SEC22A: variants seen among roughly 807,000 people sequenced by gnomAD.
SEC22A encodes the protein SEC22 homolog A, vesicle trafficking protein, also known as vesicle-trafficking protein SEC22a.
A neutral mutation model predicts 35.3 loss-of-function variants in SEC22A; 22 were observed. The observed-to-expected ratio is 0.62, with a 90% CI of 0.45 to 0.89. The LOEUF (loss-of-function observed/expected upper bound fraction) is 0.89, where lower values mean the gene tolerates loss of function less well. Ranked by LOEUF, SEC22A falls within the 40% of genes least tolerant of loss-of-function variation. The pLI is 0.00. For missense variants in SEC22A, 354 were observed against 362.5 expected, an observed-to-expected ratio of 0.98 and a Z score of 0.19; for synonymous variants, 119 against 129.5, an observed-to-expected ratio of 0.92 and a Z score of 0.55.
At chr3:123,235,581 G>A (rs1937404348) in intron 4 of SEC22A, among the ~76,000 whole-genome samples, 2 of 152,286 alleles carry the variant, frequency 1.3e-5, no homozygotes, top group East Asian at 3.9e-4. Context: ...CTTTGCCAGT[G>A]GGGTTGTAAA....
At chr3:123,212,571 AT>A (rs1210499847) in intron 2 of SEC22A, among the ~76,000 whole-genome samples, 1 of 152,154 alleles carries the variant, frequency 6.6e-6, no homozygotes, top group East Asian at 1.9e-4. Context: ...AATTAAAAAA[AT>A]TTATTTTGAC....
chr3:123,222,543 T>C (rs1285105709), intron 2 of SEC22A, among the ~76,000 whole-genome samples: 1 of 152,160 alleles, frequency 6.6e-6, no homozygotes, highest in African/African-American at 2.4e-5. Context: ...TTTATTTCTT[T>C]TTTACAACCC....
intron 1 of SEC22A, chr3:123,208,830 T>A (rs1410964551): frequency 1.0e-5 from 2 of 200,734 alleles, no homozygotes; most frequent in African/African-American, 4.7e-5. Context: ...AGTCTCACTC[T>A]GTCGCCCAGG....
intron 6 of SEC22A, among the ~76,000 whole-genome samples, chr3:123,270,246 T>G (rs934476408): frequency 6.6e-6 from 1 of 151,922 alleles, no homozygotes; most frequent in African/African-American, 2.4e-5. Flanking sequence ...AAAAGCTATT[T>G]TTTTCTATTT....
intron 6 of SEC22A, among the ~76,000 whole-genome samples, chr3:123,269,215 G>GTGTGTGTGTGTGTATATA (rs10642998): frequency 2.2e-5 from 3 of 136,780 alleles, no homozygotes; most frequent in Admixed American, 7.4e-5. Context: ...GTGTGTGTGT[G>GTGTGTGTGTGTGTATATA]TATATATTAC....
chr3:123,219,669 A>G (rs147568417), intron 2 of SEC22A, among the ~76,000 whole-genome samples: 189 of 152,304 alleles, frequency 1.2e-3, no homozygotes, highest in African/African-American at 4.5e-3. Context: ...ACGTGGTGCT[A>G]TTACTCTTAC....
intron 2 of SEC22A, 64 bp from the exon 3 acceptor site, chr3:123,223,495 T>C: frequency 2.4e-6 from 3 of 1,267,122 alleles, no homozygotes; most frequent in Non-Finnish European, 3.4e-6. Flanking sequence ...GAACCAGTCT[T>C]GTGAAGCAGT....
intron 4 of SEC22A, among the ~76,000 whole-genome samples, chr3:123,226,370 T>C (rs1937217800): frequency 1.3e-5 from 2 of 152,244 alleles, no homozygotes; most frequent in African/African-American, 4.8e-5. Flanking sequence ...ATTGCCTGTC[T>C]TTTGGATAAA....
intron 5 of SEC22A, among the ~76,000 whole-genome samples, chr3:123,253,880 G>A (rs879844998): frequency 5.9e-5 from 9 of 151,588 alleles, no homozygotes; most frequent in Non-Finnish European, 8.8e-5. Flanking sequence ...TAAAGAATTA[G>A]GAGATCCTAC....
intron 5 of SEC22A, among the ~76,000 whole-genome samples, chr3:123,254,616 C>T (rs993716572): frequency 6.6e-6 from 1 of 152,138 alleles, no homozygotes; most frequent in Non-Finnish European, 1.5e-5. Flanking sequence ...CCCTGCTGTT[C>T]TTTAAAAAAC....
chr3:123,237,454 A>C (rs1937443172), intron 4 of SEC22A, among the ~76,000 whole-genome samples: 1 of 152,222 alleles, frequency 6.6e-6, no homozygotes, highest in African/African-American at 2.4e-5. Context: ...TTGGAGACTT[A>C]TACTGGACAG....
chr3:123,208,566 G>A (rs1205597101), intron 1 of SEC22A: 1 of 152,010 alleles, frequency 6.6e-6, no homozygotes, highest in Non-Finnish European at 1.5e-5. Context: ...CAGCACTGTG[G>A]CAGGCGCCTA....
intron 6 of SEC22A, among the ~76,000 whole-genome samples, chr3:123,260,131 C>CAAAAAAAAAAAAAAA (rs533386545): frequency 5.2e-4 from 26 of 49,784 alleles, no homozygotes; most frequent in South Asian, 1.0e-3. Flanking sequence ...GACTACATCT[C>CAAAAAAAAAAAAAAA]AAAAAAAAAA....
At position 123,218,785 on chromosome 3, in the gene SEC22A, G is replaced by A. The variant is rs574145847; in HGVS notation, c.183-4774G>A. Among the ~76,000 whole-genome samples the A allele has an allele frequency of 3.9e-5, 6 of 152,182 alleles. No individual in the cohort carries two copies. In the East Asian group the frequency reaches 1.2e-3, roughly 29 times the overall value. ...TGCATGATATACTCAACAAATTAGT[G>A]TATAAATGAGTAAAGGAATGATGCC... On this transcript the variant is annotated intron_variant, in intron 2 of 6. Transcript: ENST00000492595.
intron 2 of SEC22A, among the ~76,000 whole-genome samples, chr3:123,211,466 T>C (rs1936938460): frequency 1.3e-5 from 2 of 152,002 alleles, no homozygotes; most frequent in African/African-American, 2.4e-5. Flanking sequence ...TCCATTTTGA[T>C]CATTTTTTTA....
intron 2 of SEC22A, among the ~76,000 whole-genome samples, chr3:123,212,755 CAAAAG>C (rs1256058881): frequency 1.3e-5 from 2 of 151,554 alleles, no homozygotes; most frequent in East Asian, 3.9e-4. Flanking sequence ...GTAAGGGAGT[CAAAAG>C]AAGGAAAATA....
chr3:123,222,982 G>A (rs1347907772), intron 2 of SEC22A, among the ~76,000 whole-genome samples: 1 of 152,174 alleles, frequency 6.6e-6, no homozygotes, highest in Non-Finnish European at 1.5e-5. Context: ...TCTGCTTTAA[G>A]CCATAGCCCT....
intron 4 of SEC22A, among the ~76,000 whole-genome samples, chr3:123,239,205 T>G (rs1488818518): frequency 1.3e-5 from 2 of 152,162 alleles, no homozygotes; most frequent in Admixed American, 1.3e-4. Context: ...CACTGATCCC[T>G]AAAGGGAGCA....
intron 2 of SEC22A, 49 bp downstream of exon 2, chr3:123,209,448 T>C (rs1466620543): frequency 4.0e-6 from 6 of 1,493,136 alleles, no homozygotes; most frequent in Non-Finnish European, 5.5e-6. Flanking sequence ...GTAGTTGTCA[T>C]TTTAATGAAG....
Sources: gnomAD v4.1 joint callset for allele counts (sites outside exome capture counted in the v4.1 genomes callset) on GRCh38, gnomAD v4.1.1 for gene constraint, MANE v1.5 for transcripts, NCBI Gene and HGNC (gene_info 2026-07-23, HGNC 2026-07-21) for gene names.